The following CSNK2A2IP variants were observed in gnomAD, a reference collection of about 807,000 sequenced individuals.
CSNK2A2IP encodes the protein casein kinase 2 subunit alpha' interacting protein.
chr3:88,362,865 T>C, the CSNK2A2IP span, among the ~76,000 whole-genome samples: 1 of 152,124 alleles, frequency 6.6e-6, no homozygotes, highest in South Asian at 2.1e-4. Flanking sequence ...GTCTTCCCTC[T>C]CTTTTCCCTA....
the CSNK2A2IP span, among the ~76,000 whole-genome samples, chr3:88,402,444 C>T: frequency 6.6e-6 from 1 of 151,912 alleles, no homozygotes; most frequent in Non-Finnish European, 1.5e-5. Flanking sequence ...TGCATATGTG[C>T]ACAAGAAAAT....
the CSNK2A2IP span, among the ~76,000 whole-genome samples, chr3:88,438,686 C>T: frequency 6.6e-6 from 1 of 152,170 alleles, no homozygotes; most frequent in Admixed American, 6.5e-5. Context: ...TGTCCAATCA[C>T]ATTTCCACAC....
the CSNK2A2IP span, among the ~76,000 whole-genome samples, chr3:88,346,424 C>T: frequency 6.6e-6 from 1 of 151,982 alleles, no homozygotes; most frequent in Non-Finnish European, 1.5e-5. Context: ...CAATGTCTGG[C>T]TTCAAAGCTT....
At chr3:88,365,154 T>C in the CSNK2A2IP span, among the ~76,000 whole-genome samples, 2 of 152,068 alleles carry the variant, frequency 1.3e-5, no homozygotes, top group African/African-American at 4.8e-5. Context: ...AAAATAGAAA[T>C]AGATCAAAAT....
chr3:88,383,806 G>A, the CSNK2A2IP span, among the ~76,000 whole-genome samples: 2 of 151,940 alleles, frequency 1.3e-5, no homozygotes, highest in Non-Finnish European at 2.9e-5. Context: ...TGGGACTACA[G>A]GTGCCCGCCA....
the CSNK2A2IP span, among the ~76,000 whole-genome samples, chr3:88,384,556 G>A: frequency 6.6e-6 from 1 of 152,024 alleles, no homozygotes; most frequent in Non-Finnish European, 1.5e-5. Context: ...GGTGCATTAC[G>A]GTATGAAAAG....
chr3:88,436,913 A>G, the CSNK2A2IP span, among the ~76,000 whole-genome samples: 22 of 152,270 alleles, frequency 1.4e-4, no homozygotes, highest in African/African-American at 4.1e-4. Flanking sequence ...ATAATTGTAT[A>G]TATGTGTGTT....
the CSNK2A2IP span, among the ~76,000 whole-genome samples, chr3:88,364,158 G>A: frequency 6.6e-6 from 1 of 151,834 alleles, no homozygotes; most frequent in African/African-American, 2.4e-5. Flanking sequence ...ATTCTCTCAG[G>A]GTAGTAAATA....
chr3:88,438,895 C>T, the CSNK2A2IP span, among the ~76,000 whole-genome samples: 3 of 151,078 alleles, frequency 2.0e-5, no homozygotes, highest in Admixed American at 2.0e-4. Flanking sequence ...TTTTTTTCTG[C>T]CCCTACATCT....
the CSNK2A2IP span, among the ~76,000 whole-genome samples, chr3:88,446,478 C>T: frequency 8.0e-4 from 122 of 152,300 alleles, 1 homozygote; most frequent in African/African-American, 2.8e-3. Context: ...GGAGAACATT[C>T]TTTGTTTCCA....
At chr3:88,465,558 C>T in the CSNK2A2IP span, 1 of 1,231,716 alleles carries the variant, frequency 8.1e-7, no homozygotes, top group Non-Finnish European at 1.0e-6. Flanking sequence ...TCCAGAGATG[C>T]TCAGTATTGC....
At chr3:88,342,399 G>A in the CSNK2A2IP span, among the ~76,000 whole-genome samples, 1 of 151,956 alleles carries the variant, frequency 6.6e-6, no homozygotes, top group Admixed American at 6.6e-5. Context: ...TTCAAATAAG[G>A]CAAATGCTGA....
the CSNK2A2IP span, among the ~76,000 whole-genome samples, chr3:88,437,198 T>A: frequency 6.6e-6 from 1 of 152,202 alleles, no homozygotes; most frequent in African/African-American, 2.4e-5. Context: ...TTTTCATTTT[T>A]ACAGTAGTGT....
chr3:88,344,850 G>A, the CSNK2A2IP span, among the ~76,000 whole-genome samples: 2 of 152,010 alleles, frequency 1.3e-5, no homozygotes, highest in South Asian at 2.1e-4. Context: ...AATTGAAAAT[G>A]CAAATTAATT....
At chr3:88,404,401 A>G in the CSNK2A2IP span, among the ~76,000 whole-genome samples, 3 of 152,200 alleles carry the variant, frequency 2.0e-5, no homozygotes, top group African/African-American at 7.2e-5. Flanking sequence ...AGCAGCTTAT[A>G]TGGTTAATAC....
the CSNK2A2IP span, among the ~76,000 whole-genome samples, chr3:88,339,905 G>A: frequency 6.6e-6 from 1 of 151,852 alleles, no homozygotes; most frequent in Non-Finnish European, 1.5e-5. Context: ...TCTTTTCATT[G>A]TTGCTCTTCT....
the CSNK2A2IP span, among the ~76,000 whole-genome samples, chr3:88,364,422 G>T: frequency 6.6e-6 from 1 of 151,790 alleles, no homozygotes; most frequent in East Asian, 1.9e-4. Flanking sequence ...TACTATTGCC[G>T]TGGATTCAAC....
chr3:88,447,537 GA>G, the CSNK2A2IP span, among the ~76,000 whole-genome samples: 6 of 152,072 alleles, frequency 3.9e-5, no homozygotes, highest in African/African-American at 1.2e-4. Flanking sequence ...TTAAATAAGG[GA>G]AAATTATGGG....
At chr3:88,445,942 CTT>C in the CSNK2A2IP span, among the ~76,000 whole-genome samples, 4 of 128,956 alleles carry the variant, frequency 3.1e-5, no homozygotes, top group African/African-American at 1.1e-4. Flanking sequence ...TCCTTTCTTT[CTT>C]TCTCTCTCTC....
Sources: gnomAD v4.1 joint callset for allele counts (sites outside exome capture counted in the v4.1 genomes callset) on GRCh38, gnomAD v4.1.1 for gene constraint, MANE v1.5 for transcripts, NCBI Gene and HGNC (gene_info 2026-07-23, HGNC 2026-07-21) for gene names.